Variants in ARHGAP6 observed in about 807,000 individuals in gnomAD.
The protein encoded by ARHGAP6 is Rho GTPase activating protein 6.
In ARHGAP6, 16 loss-of-function variants were observed where a neutral mutation model predicts 55.7. The observed-to-expected ratio is 0.29, with a 90% CI of 0.19 to 0.44. ARHGAP6 has a LOEUF of 0.44. Among genes scored for constraint, ARHGAP6 ranks in the 20% least tolerant of loss-of-function variants. ARHGAP6 has a pLI of 1.00. For missense variants in ARHGAP6, 698 were observed against 808.9 expected (o/e 0.86, Z 1.66); for synonymous variants, 382 against 360.9 (o/e 1.06, Z -0.66).
At chrX:11,515,587 T>C (rs568832795) in intron 1 of ARHGAP6, among the ~76,000 whole-genome samples, 2 of 112,282 alleles carry the variant, frequency 1.8e-5, no homozygotes, top group African/African-American at 6.4e-5. Flanking sequence ...ATTTATACCA[T>C]TTAAAATATG....
intron 10 of ARHGAP6, among the ~76,000 whole-genome samples, chrX:11,155,454 T>A (rs1163377591): frequency 9.0e-6 from 1 of 110,628 alleles, no homozygotes; most frequent in Non-Finnish European, 1.9e-5. Context: ...CACCTGTCAC[T>A]ACGCCTGGCT....
At chrX:11,645,965 G>A (rs1365010023) in intron 1 of ARHGAP6, among the ~76,000 whole-genome samples, 4 of 111,656 alleles carry the variant, frequency 3.6e-5, no homozygotes, top group Non-Finnish European at 7.5e-5. Flanking sequence ...ATCCAGGAAA[G>A]TAGTTAGAAG....
At chrX:11,290,470 C>T (rs758509003) in intron 1 of ARHGAP6, 1 of 321,091 alleles carries the variant, frequency 3.1e-6, no homozygotes, top group Non-Finnish European at 5.9e-6. Flanking sequence ...GAAGATCATA[C>T]AACTCCAACT....
chrX:11,613,085 G>A (rs1376279824), intron 1 of ARHGAP6, among the ~76,000 whole-genome samples: 1 of 112,322 alleles, frequency 8.9e-6, no homozygotes, highest in African/African-American at 3.2e-5. Context: ...TTTTCTCTGG[G>A]ACCTTCCATC....
intron 1 of ARHGAP6, among the ~76,000 whole-genome samples, chrX:11,399,354 C>CAAAA (rs56197001): frequency 2.5e-3 from 87 of 34,825 alleles, no homozygotes; most frequent in East Asian, 7.1e-3. Flanking sequence ...AATAAGCAAT[C>CAAAA]AAAAAAAAAA....
chrX:11,381,788 G>C (rs1407343684), intron 1 of ARHGAP6, among the ~76,000 whole-genome samples: 1 of 112,077 alleles, frequency 8.9e-6, no homozygotes, highest in Non-Finnish European at 1.9e-5. Context: ...GAATTCACGA[G>C]AGAAGGCAGT....
chrX:11,328,934 A>G (rs2048530335), intron 1 of ARHGAP6, among the ~76,000 whole-genome samples: 1 of 111,976 alleles, frequency 8.9e-6, no homozygotes, highest in Admixed American at 9.5e-5. Context: ...ATAATAACTG[A>G]ATGTTCTAAT....
At position 11,290,449 on chromosome X, in the gene ARHGAP6, G is replaced by C. The variant is rs369648453; in HGVS notation, c.589-35742C>G. 1.1e-5 allele frequency: 4 copies of C among 366,015 alleles called. No homozygotes were observed. In the African/African-American group the frequency reaches 1.2e-4, roughly 11 times the overall value. 30.2% of individuals were successfully genotyped at this position (366,015 alleles called of 1,213,427 possible). ...TATCGGAATTCATCGGTGGTTTTGT[G>C]CCTAAGATCTGAAGATCATACAACT... On this transcript the variant is annotated intron_variant, in intron 1 of 12. Transcript: ENST00000337414.
chrX:11,202,668 T>C (rs1282731935), intron 2 of ARHGAP6, among the ~76,000 whole-genome samples: 1 of 106,810 alleles, frequency 9.4e-6, no homozygotes, highest in African/African-American at 3.4e-5. Context: ...ATTTGCTGGG[T>C]GTGATTGTGG....
chrX:11,225,402 T>C (rs1433665572), intron 2 of ARHGAP6, among the ~76,000 whole-genome samples: 1 of 111,309 alleles, frequency 9.0e-6, no homozygotes, highest in Non-Finnish European at 1.9e-5. Flanking sequence ...GGTCATCAAA[T>C]ACTCTTCATT....
rs12014022 is a variant in ARHGAP6, at chrX:11,152,468, G to A, written c.1907+4061C>T. On this transcript the variant is annotated intron_variant, in intron 10 of 12. Transcript: ENST00000337414. ...CCACCCCTCAGCCTGCCATTTAAGG[G>A]CTTCTACCTTCACTGCTGGCCAGCC... is the stretch of plus-strand genomic sequence containing the variant. 2.8e-3 allele frequency among the ~76,000 whole-genome samples: 318 copies of A among 111,659 alleles called. 2 individuals carry two copies. Among genetic ancestry groups the A allele is most frequent in the African/African-American group, 9.8e-3 (300 of 30,737 alleles).
intron 1 of ARHGAP6, among the ~76,000 whole-genome samples, chrX:11,547,635 T>C (rs922269949): frequency 1.8e-5 from 2 of 111,950 alleles, no homozygotes; most frequent in Non-Finnish European, 1.9e-5. Flanking sequence ...TCTATTTCTG[T>C]GCTCCTCTCT....
chrX:11,514,407 T>C (rs757245554), intron 1 of ARHGAP6, among the ~76,000 whole-genome samples: 2 of 110,148 alleles, frequency 1.8e-5, no homozygotes, highest in South Asian at 8.0e-4. Context: ...CCTGGATAAT[T>C]CATTGTCGTG....
At chrX:11,186,815 C>T (rs1339376503) in intron 4 of ARHGAP6, among the ~76,000 whole-genome samples, 1 of 111,716 alleles carries the variant, frequency 9.0e-6, no homozygotes, top group East Asian at 2.8e-4. Context: ...AAAAACTCAA[C>T]TATGGCTCTA....
At chrX:11,246,549 G>A (rs2047355414) in intron 2 of ARHGAP6, among the ~76,000 whole-genome samples, 1 of 111,920 alleles carries the variant, frequency 8.9e-6, no homozygotes, top group South Asian at 3.7e-4. Flanking sequence ...AGGGCCACTT[G>A]TGTATTAGGC....
chrX:11,145,520 G>A (rs1010843296), intron 10 of ARHGAP6, among the ~76,000 whole-genome samples: 10 of 111,944 alleles, frequency 8.9e-5, no homozygotes, highest in African/African-American at 3.3e-4. Flanking sequence ...CTCTCATCAC[G>A]TAATCTTATG....
At chrX:11,324,983 C>A (rs748081234) in intron 1 of ARHGAP6, among the ~76,000 whole-genome samples, 2 of 111,325 alleles carry the variant, frequency 1.8e-5, no homozygotes, top group African/African-American at 6.5e-5. Context: ...CTCAGCCTCC[C>A]GAGTAGCTGG....
At chrX:11,284,197 T>C (rs1480602725) in intron 1 of ARHGAP6, among the ~76,000 whole-genome samples, 2 of 111,674 alleles carry the variant, frequency 1.8e-5, no homozygotes, top group African/African-American at 3.3e-5. Flanking sequence ...ATCAGAATCA[T>C]GGGGAAGCTT....
At chrX:11,524,659 C>T (rs1351955567) in intron 1 of ARHGAP6, among the ~76,000 whole-genome samples, 4 of 111,599 alleles carry the variant, frequency 3.6e-5, no homozygotes, top group South Asian at 3.8e-4. Flanking sequence ...AGTCCCCAAC[C>T]TTCTTGGCAC....
Sources: gnomAD v4.1 joint callset for allele counts (sites outside exome capture counted in the v4.1 genomes callset) on GRCh38, gnomAD v4.1.1 for gene constraint, MANE v1.5 for transcripts, NCBI Gene and HGNC (gene_info 2026-07-23, HGNC 2026-07-21) for gene names.